Variants in P4HA3 observed in about 807,000 individuals in gnomAD.
P4HA3 encodes the protein prolyl 4-hydroxylase subunit alpha-3.
In P4HA3, 60 loss-of-function variants were observed where a neutral mutation model predicts 66.7. The ratio of observed to expected loss-of-function variants is 0.90; its 90% CI spans 0.73 to 1.12. P4HA3 has a LOEUF of 1.12. P4HA3 is among the 50% of genes most tolerant of loss of function. The pLI is 0.00. For missense variants in P4HA3, 683 were observed against 685.8 expected (o/e 1.00, Z 0.05); for synonymous variants, 263 against 274.6 (o/e 0.96, Z 0.42).
At chr11:74,267,468 C>T in intron 12 of P4HA3, 150 bp from the exon 13 acceptor site, 1 of 927,826 alleles carries the variant, frequency 1.1e-6, no homozygotes, top group Non-Finnish European at 1.6e-6. Flanking sequence ...GTCCTGGCCT[C>T]ACTATGGACT....
intron 5 of P4HA3, 113 bp downstream of exon 5, chr11:74,288,966 A>AAT: frequency 1.4e-6 from 1 of 727,966 alleles, no homozygotes; most frequent in Non-Finnish European, 2.0e-6. Flanking sequence ...AAAAAAAAAA[A>AAT]GATAATAAAG....
chr11:74,250,746 C>T, intron 15 of P4HA3: 1 of 563,796 alleles, frequency 1.8e-6, no homozygotes, highest in Non-Finnish European at 3.2e-6. Flanking sequence ...CTAAATAGGA[C>T]AGAAGGAAAA....
chr11:74,287,327 A>T (rs1465001372), intron 5 of P4HA3: 1 of 1,287,892 alleles, frequency 7.8e-7, no homozygotes, highest in East Asian at 5.5e-5. Context: ...AGAAATTACC[A>T]TTCTGTTTTA....
intron 7 of P4HA3, among the ~76,000 whole-genome samples, chr11:74,281,880 T>G: frequency 6.8e-6 from 1 of 147,522 alleles, no homozygotes; most frequent in African/African-American, 2.5e-5. Context: ...ATAATAATAA[T>G]AATAATAATA....
intron 2 of P4HA3, among the ~76,000 whole-genome samples, chr11:74,302,815 T>C (rs891204267): frequency 6.6e-6 from 1 of 152,244 alleles, no homozygotes; most frequent in Non-Finnish European, 1.5e-5. Flanking sequence ...AATTAAGGCA[T>C]ACAGCTTCAT....
chr11:74,253,540 G>A (rs754323358), intron 15 of P4HA3: 9 of 1,590,316 alleles, frequency 5.7e-6, no homozygotes, highest in South Asian at 1.1e-5. Flanking sequence ...CCTCAACATC[G>A]AGCTCTGTTG....
intron 5 of P4HA3, among the ~76,000 whole-genome samples, chr11:74,286,724 A>G (rs545307977): frequency 2.4e-4 from 36 of 152,196 alleles, no homozygotes; most frequent in Non-Finnish European, 4.3e-4. Flanking sequence ...ATGAAGCCTC[A>G]TTCATTCATT....
At chr11:74,259,183 G>A (rs1444939232) in intron 15 of P4HA3, among the ~76,000 whole-genome samples, 1 of 152,086 alleles carries the variant, frequency 6.6e-6, no homozygotes, top group Non-Finnish European at 1.5e-5. Flanking sequence ...CAGATAGTGA[G>A]GCTTGGCCAA....
At chr11:74,253,371 TG>T (rs371709340) in intron 15 of P4HA3, 4 of 979,402 alleles carry the variant, frequency 4.1e-6, no homozygotes, top group African/African-American at 3.2e-5. Context: ...GGCTGTGAAA[TG>T]GGTCAGATTT....
At chr11:74,265,218 G>C (rs1184135818), downstream of P4HA3, among the ~76,000 whole-genome samples, 3 of 152,176 alleles carry the variant, frequency 2.0e-5, no homozygotes, top group South Asian at 6.2e-4. Flanking sequence ...GTCGCTTTCT[G>C]TCTCGTCTCA....
chr11:74,258,579 C>T (rs1430892682), intron 15 of P4HA3, among the ~76,000 whole-genome samples: 1 of 152,140 alleles, frequency 6.6e-6, no homozygotes, highest in Non-Finnish European at 1.5e-5. Flanking sequence ...TGTCCAGGGT[C>T]ATACCTTAGC....
chr11:74,286,271 G>A lies in P4HA3; in HGVS notation c.890C>T (p.Thr297Ile). 1 of 1,613,144 alleles carries A rather than the reference G, an allele frequency of 6.2e-7. No homozygotes were observed. The highest frequency in any genetic ancestry group is 1.1e-5 in the South Asian group (1 of 90,912). Residue 297 changes from threonine (T) to isoleucine (I), a missense_variant, in exon 6 of 13, where the codon ACC (threonine) becomes ATC (isoleucine). Transcript: ENST00000331597. ...ACATAGCCCCTCGTAGGTGTCTCTG[G>A]TCTGCAGGTGGGGTATATTGGGCCT... ...IQRPNIPHLQ[T>I]RDTYEGLCQT...
intron 15 of P4HA3, chr11:74,256,047 C>T (rs1859823811): frequency 1.3e-5 from 6 of 470,058 alleles, no homozygotes; most frequent in South Asian, 9.2e-5. Context: ...ATCTAATTCA[C>T]TTGACACACA....
chr11:74,279,262 G>C, intron 8 of P4HA3, 126 bp downstream of exon 8: 1 of 858,822 alleles, frequency 1.2e-6, no homozygotes. Flanking sequence ...AGAATGTACA[G>C]CTATAAACGT....
At chr11:74,299,894 C>T (rs1017754964) in intron 3 of P4HA3, among the ~76,000 whole-genome samples, 1 of 152,060 alleles carries the variant, frequency 6.6e-6, no homozygotes, top group Non-Finnish European at 1.5e-5. Flanking sequence ...ACTAAGACAC[C>T]CTCATGAAAC....
In P4HA3 at chr11:74,297,027, G is replaced by T. The variant is rs1203543992; in HGVS notation, c.717+1185C>A. Among the ~76,000 whole-genome samples, 7 of 151,566 alleles carry T rather than the reference G, an allele frequency of 4.6e-5. No individual in the cohort carries two copies. The South Asian group carries it at 1.3e-3, about 27-fold the overall frequency. ...GCTCACCACAACTTCCACCTCTCGG[G>T]CTCAAGCGATTCTCCTGCCTCAGCC... On this transcript the variant is annotated intron_variant, in intron 4 of 12. Transcript: ENST00000331597.
intron 9 of P4HA3, among the ~76,000 whole-genome samples, chr11:74,274,337 A>T: frequency 7.2e-6 from 1 of 138,044 alleles, no homozygotes; most frequent in Admixed American, 7.7e-5. Context: ...ATGGAGTCTC[A>T]CTCTGTTGCC....
At chr11:74,298,121 T>C in intron 4 of P4HA3, 91 bp downstream of exon 4, 4 of 1,470,442 alleles carry the variant, frequency 2.7e-6, no homozygotes, top group Admixed American at 2.1e-5. Flanking sequence ...ATGAAACAGA[T>C]GAAGACATGA....
chr11:74,256,428 C>T (rs1037452376), intron 15 of P4HA3, among the ~76,000 whole-genome samples: 4 of 152,222 alleles, frequency 2.6e-5, no homozygotes, highest in African/African-American at 9.7e-5. Context: ...GGCAAGGAAG[C>T]AAAAGCTCAG....
Sources: gnomAD v4.1 joint callset for allele counts (sites outside exome capture counted in the v4.1 genomes callset) on GRCh38, gnomAD v4.1.1 for gene constraint, MANE v1.5 for transcripts, NCBI Gene and HGNC (gene_info 2026-07-23, HGNC 2026-07-21) for gene names.